The following ICA1L variants were observed in gnomAD, a reference collection of about 807,000 sequenced individuals.
ICA1L encodes islet cell autoantigen 1-like protein.
A neutral mutation model predicts 61.3 loss-of-function variants in ICA1L; 50 were observed. The observed-to-expected ratio is 0.82, with a 90% CI of 0.65 to 1.03. The LOEUF is 1.03. ICA1L is among the 50% of genes least tolerant of loss of function. ICA1L has a pLI of 0.00. For missense variants in ICA1L, 508 were observed against 556.7 expected (o/e 0.91, Z 0.88); for synonymous variants, 161 against 191.3 (o/e 0.84, Z 1.31).
chr2:202,793,590 A>C lies in ICA1L; in HGVS notation c.985+3300T>G, dbSNP rs571958791. 8.7e-5 allele frequency among the ~76,000 whole-genome samples: 13 copies of C among 149,980 alleles called. No individual in the cohort carries two copies. In the East Asian group the frequency reaches 2.4e-3, roughly 27 times the overall value. ...CTACTCAGGAGGCTGAGCCAGGGAG[A>C]ACTGCTTGAACCTGGGAGGTGGAGG... On this transcript the variant is annotated intron_variant, in intron 10 of 12. Coordinates refer to ENST00000358299, the MANE Select transcript of ICA1L (RefSeq NM_001288622.3).
rs1001567037 is a variant in ICA1L at position 202,773,596 on chromosome 2, C to T, written c.*5937G>A. 2.3e-4 allele frequency: 130 copies of T among 566,718 alleles called. 1 individual carries two copies. Among genetic ancestry groups the T allele is most frequent in the Middle Eastern group, 4.0e-4 (1 of 2,514 alleles). The allele number at this position is 566,718 out of a possible 1,614,324, so 35.1% of individuals were successfully genotyped here. A position where few individuals can be genotyped will look rare whatever the true frequency, so the allele number is the denominator to read the frequency against. On this transcript the variant is annotated 3_prime_UTR_variant, in exon 13 of 13. Coordinates refer to ENST00000358299, the MANE Select transcript of ICA1L (RefSeq NM_001288622.3). ...GTCTGCAACTTAAGCCGTCCACAGTCCTAAGCCTGATATGCTCAAAGCAAA... is the reference window on the plus strand; with the variant it reads ...GTCTGCAACTTAAGCCGTCCACAGTTCTAAGCCTGATATGCTCAAAGCAAA...
chr2:202,866,013 C>T (rs1687501182), intron 1 of ICA1L, among the ~76,000 whole-genome samples: 1 of 152,112 alleles, frequency 6.6e-6, no homozygotes, highest in South Asian at 2.1e-4. Flanking sequence ...GAAATATGTA[C>T]CACAGTGCTA....
intron 1 of ICA1L, among the ~76,000 whole-genome samples, chr2:202,860,718 C>T (rs1304307342): frequency 6.6e-6 from 1 of 151,750 alleles, no homozygotes; most frequent in African/African-American, 2.4e-5. Flanking sequence ...CGCCATTGCA[C>T]TGTAGCTTAG....
rs753526367 is a variant in ICA1L at position 202,773,640 on chromosome 2, A to G, written c.*5893T>C. ...AAGCAAAGCCTCTTTCCCACAAACT[A>G]AATTCCATCCATTTGAGCTTTCAGA... is the stretch of plus-strand genomic sequence containing the variant. On this transcript the variant is annotated 3_prime_UTR_variant, in exon 13 of 13. Transcript: ENST00000358299. 2.9e-6 allele frequency: 2 copies of G among 685,992 alleles called. No homozygotes were observed. Among genetic ancestry groups the G allele is most frequent in the African/African-American group, 1.8e-5 (1 of 55,500 alleles). 42.5% of individuals were successfully genotyped at this position (685,992 alleles called of 1,614,324 possible).
At chr2:202,871,232 G>A (rs1298891219) in intron 1 of ICA1L, 1 of 152,216 alleles carries the variant, frequency 6.6e-6, no homozygotes, top group Admixed American at 6.5e-5. Flanking sequence ...TCTATTAGGA[G>A]CGACCTCCAC....
intron 1 of ICA1L, among the ~76,000 whole-genome samples, chr2:202,854,899 GC>G (rs550279975): frequency 3.7e-4 from 57 of 152,136 alleles, no homozygotes; most frequent in African/African-American, 1.3e-3. Flanking sequence ...GGTGGTGGGC[GC>G]CTGTAGTCCC....
intron 1 of ICA1L, among the ~76,000 whole-genome samples, chr2:202,868,546 A>G (rs758592704): frequency 6.6e-5 from 10 of 152,262 alleles, no homozygotes; most frequent in African/African-American, 1.7e-4. Context: ...TAGATACTCA[A>G]TAAGTATTTA....
At chr2:202,825,428 C>G (rs927950883) in intron 3 of ICA1L, 1 of 718,480 alleles carries the variant, frequency 1.4e-6, no homozygotes, top group East Asian at 6.2e-5. Context: ...TGTGATTGCA[C>G]CACTGCACTC....
chr2:202,814,879 G>T, intron 7 of ICA1L, 95 bp from the exon 8 acceptor site: 3 of 833,098 alleles, frequency 3.6e-6, no homozygotes, highest in Non-Finnish European at 1.9e-6. Flanking sequence ...AGAACCATAT[G>T]AAATAGGAAG....
chr2:202,864,617 GTATA>G (rs377590272), intron 1 of ICA1L, among the ~76,000 whole-genome samples: 2 of 150,198 alleles, frequency 1.3e-5, no homozygotes, highest in East Asian at 1.9e-4. Flanking sequence ...ATGTGTGTGT[GTATA>G]TATATATGTG....
intron 1 of ICA1L, among the ~76,000 whole-genome samples, chr2:202,859,423 T>C (rs149501666): frequency 2.1e-4 from 32 of 152,308 alleles, no homozygotes; most frequent in African/African-American, 7.7e-4. Flanking sequence ...AATTTTAAAA[T>C]AGTCCCAATA....
chr2:202,864,227 G>T (rs1255049239), intron 1 of ICA1L, among the ~76,000 whole-genome samples: 1 of 151,870 alleles, frequency 6.6e-6, no homozygotes, highest in Admixed American at 6.6e-5. Flanking sequence ...GACATTACAA[G>T]AAAAGATTAT....
intron 3 of ICA1L, 35 bp from the exon 4 acceptor site, chr2:202,821,516 C>T: frequency 8.3e-7 from 1 of 1,211,140 alleles, no homozygotes; most frequent in South Asian, 1.3e-5. Flanking sequence ...TAATTGTTTC[C>T]TTTCATCATT....
At chr2:202,795,770 C>T (rs770299191) in intron 10 of ICA1L, among the ~76,000 whole-genome samples, 11 of 151,820 alleles carry the variant, frequency 7.2e-5, no homozygotes, top group South Asian at 2.1e-4. Context: ...GGGCTGGGCG[C>T]GGTGGCTCAC....
chr2:202,823,615 G>A, intron 3 of ICA1L, among the ~76,000 whole-genome samples: 1 of 152,276 alleles, frequency 6.6e-6, no homozygotes, highest in South Asian at 2.1e-4. Flanking sequence ...TAGTTTCAAT[G>A]ACAGACTCTT....
At position 202,828,934 on chromosome 2, in the gene ICA1L, T is replaced by G; in HGVS notation, c.76A>C (p.Thr26Pro). ...VRRMQKKYWK[T>P]KQVFIKATGK... ...GTTGCTTTGATAAAGACCTGTTTAG[T>G]TTTCCAGTATTTCTTTTGCATTCTT... is the stretch of plus-strand genomic sequence containing the variant. Residue 26 changes from threonine to proline, a missense_variant, in exon 2 of 13, where the codon ACT becomes CCT. Thr to Pro is a conservative substitution (Grantham distance 38). Transcript: ENST00000358299. The G allele has an allele frequency of 6.2e-7, 1 of 1,613,002 alleles. No individual in the cohort carries two copies. Among genetic ancestry groups the G allele is most frequent in the Non-Finnish European group, 8.5e-7 (1 of 1,179,630 alleles).
rs1243955948 is a variant in ICA1L at position 202,825,717 on chromosome 2, C to T, written c.213G>A (p.Glu71=). 2 of 1,567,358 alleles carry T rather than the reference C, an allele frequency of 1.3e-6. No individual in the cohort carries two copies. The highest frequency in any genetic ancestry group is 4.5e-5 in the East Asian group (2 of 44,364). The stretch of plus-strand genomic sequence containing the variant: ...TACCATTGAGTCTTAGCTGGTATTT[C>T]TCGATTATCTTCAGAAGTTCAGTGC... ...ETCTELLKII[E]KYQLRLNVIS... Residue 71 remains glutamate, a synonymous_variant, in exon 3 of 13, where the codon GAG becomes GAA. Coordinates refer to ENST00000358299, the MANE Select transcript of ICA1L (RefSeq NM_001288622.3).
rs1426470998 is a variant in ICA1L, at chr2:202,773,889, TAAAC to T, written c.*5640_*5643del. 8.6e-6 allele frequency: 11 copies of T among 1,278,632 alleles called. No homozygotes were observed. Among genetic ancestry groups the T allele is most frequent in the Non-Finnish European group, 1.2e-5 (11 of 880,602 alleles). 79.2% of individuals were successfully genotyped at this position (1,278,632 alleles called of 1,614,324 possible). A position where few individuals can be genotyped will look rare whatever the true frequency, so the allele number is the denominator to read the frequency against. On this transcript the variant is annotated 3_prime_UTR_variant, in exon 13 of 13. Coordinates refer to ENST00000358299, the MANE Select transcript of ICA1L (RefSeq NM_001288622.3). ...GGCTGAGTGGAACAGTCCTGCTAAA[TAAAC>T]CAGTGGAATAAGAACAGTCAACGTA... is the stretch of plus-strand genomic sequence containing the variant.
intron 2 of ICA1L, among the ~76,000 whole-genome samples, chr2:202,826,393 TACATG>T (rs1386545002): frequency 6.6e-6 from 1 of 152,184 alleles, no homozygotes; most frequent in Non-Finnish European, 1.5e-5. Context: ...CCACACTATA[TACATG>T]ACATAACTCT....
Sources: gnomAD v4.1 joint callset for allele counts (sites outside exome capture counted in the v4.1 genomes callset) on GRCh38, gnomAD v4.1.1 for gene constraint, MANE v1.5 for transcripts, NCBI Gene and HGNC (gene_info 2026-07-23, HGNC 2026-07-21) for gene names.